Variants in LRRK2 observed in about 807,000 individuals in gnomAD.
LRRK2 encodes leucine rich repeat kinase 2.
In LRRK2, 203 loss-of-function variants were observed where a neutral mutation model predicts 302.6. The ratio of observed to expected loss-of-function variants is 0.67; its 90% CI spans 0.60 to 0.75. LRRK2 has a LOEUF of 0.75. LRRK2 is among the 30% of genes least tolerant of loss of function. LRRK2 has a pLI of 0.00. For missense variants in LRRK2, 2,830 were observed against 2,951.0 expected, an observed-to-expected ratio of 0.96 and a Z score of 0.95; for synonymous variants, 1,066 against 1,031.9, an observed-to-expected ratio of 1.03 and a Z score of -0.63.
intron 33 of LRRK2, 108 bp from the exon 34 acceptor site, chr12:40,319,874 AAACACT>A: frequency 9.5e-7 from 1 of 1,047,996 alleles, no homozygotes; most frequent in South Asian, 1.6e-5. Context: ...TTGCACTTGA[AAACACT>A]AAAATCTTTC....
chr12:40,343,749 CATTT>C (rs1946116543), intron 41 of LRRK2, among the ~76,000 whole-genome samples: 1 of 151,944 alleles, frequency 6.6e-6, no homozygotes, highest in Non-Finnish European at 1.5e-5. Context: ...ATTTTTTATT[CATTT>C]ATTCATTCAT....
chr12:40,238,389 A>G (rs1941569275), intron 5 of LRRK2, among the ~76,000 whole-genome samples: 1 of 152,184 alleles, frequency 6.6e-6, no homozygotes, highest in Non-Finnish European at 1.5e-5. Context: ...TGTGGGTGCT[A>G]TGAAAGAAAA....
chr12:40,311,137 A>C (rs925810561), intron 31 of LRRK2, among the ~76,000 whole-genome samples: 2 of 152,014 alleles, frequency 1.3e-5, no homozygotes, highest in African/African-American at 4.8e-5. Flanking sequence ...TGTGATTCCC[A>C]TTCCAATTTT....
intron 40 of LRRK2, 39 bp downstream of exon 40, chr12:40,335,196 A>G (rs186250073): frequency 1.4e-4 from 218 of 1,605,856 alleles, no homozygotes; most frequent in Admixed American, 3.2e-4. Context: ...GTGCATGACA[A>G]GTGTGATCCA....
intron 33 of LRRK2, chr12:40,316,255 A>G (rs1323166730): frequency 1.3e-5 from 11 of 855,938 alleles, no homozygotes; most frequent in Non-Finnish European, 4.2e-6. Context: ...GCCTTGAATA[A>G]TTGTTCCTAA....
rs1487538838 is a variant in LRRK2 at position 40,275,056 on chromosome 12, G to A, written c.1941+63G>A. ...GCGAATTTCACTTTTGGAGCAGTTTGTGTAATTCCCACTTTGCATGAATGG... is the reference window on the plus strand; with the variant it reads ...GCGAATTTCACTTTTGGAGCAGTTTATGTAATTCCCACTTTGCATGAATGG... On this transcript the variant is annotated intron_variant, in intron 16 of 50. Transcript: ENST00000298910. The A allele has an allele frequency of 1.9e-6, 3 of 1,578,950 alleles. No individual in the cohort carries two copies. In the African/African-American group the frequency reaches 4.0e-5, roughly 21 times the overall value.
intron 25 of LRRK2, chr12:40,301,192 G>T: frequency 2.2e-6 from 1 of 449,148 alleles, no homozygotes; most frequent in Non-Finnish European, 4.5e-6. Flanking sequence ...CCCCATGGAG[G>T]TGACATCTGA....
In LRRK2 at chr12:40,363,479, A is replaced by G. The variant is rs752310712; in HGVS notation, c.7106A>G (p.Asn2369Ser). Residue 2369 changes from asparagine (N) to serine (S), a missense_variant, in exon 48 of 51, where the codon AAT becomes AGT. Transcript: ENST00000298910. The part of the protein sequence containing the change: ...VDTALYIAKQ[N>S]SPVVEVWDKK... ...ACTGCTCTCTATATTGCTAAGCAAA[A>G]TAGCCCTGTTGTGGAAGTGTGGGAT... 1 of 1,612,204 alleles carries G rather than the reference A, an allele frequency of 6.2e-7. No individual in the cohort carries two copies. The highest frequency in any genetic ancestry group is 2.2e-5 in the East Asian group (1 of 44,760).
intron 19 of LRRK2, among the ~76,000 whole-genome samples, chr12:40,285,765 G>A (rs779349962): frequency 2.0e-5 from 3 of 151,886 alleles, no homozygotes; most frequent in South Asian, 2.1e-4. Flanking sequence ...AAAAAAAAAC[G>A]TGGAGCAAAT....
At chr12:40,299,067 G>T (rs942695009) in intron 24 of LRRK2, 42 bp from the exon 25 acceptor site, 4 of 1,596,126 alleles carry the variant, frequency 2.5e-6, no homozygotes, top group Non-Finnish European at 2.6e-6. Flanking sequence ...TAAAGCATAT[G>T]AATTTATGCA....
rs765296942 is a variant in LRRK2, at chr12:40,284,142, C to T, written c.2500+9C>T. On this transcript the variant is annotated intron_variant, in intron 19 of 50. Transcript: ENST00000298910. ...TTTAAGGAAACAAACAAGTAAGTAA[C>T]AAGGAGAATATTTTTTACAATTCTT... 1.9e-6 allele frequency: 3 copies of T among 1,597,266 alleles called. No homozygotes were observed. The Admixed American group carries it at 5.0e-5, about 27-fold the overall frequency.
chr12:40,226,496 C>T (rs1455810368), intron 2 of LRRK2, among the ~76,000 whole-genome samples: 1 of 152,156 alleles, frequency 6.6e-6, no homozygotes, highest in African/African-American at 2.4e-5. Context: ...AGAGGCTTGA[C>T]AGACATGAGG....
intron 44 of LRRK2, 102 bp from the exon 45 acceptor site, chr12:40,354,197 G>T: frequency 1.0e-6 from 1 of 973,606 alleles, no homozygotes; most frequent in Non-Finnish European, 1.5e-6. Context: ...ATGCAAGAAA[G>T]CAAAAAGAGT....
chr12:40,276,923 C>T (rs947436456), intron 16 of LRRK2, among the ~76,000 whole-genome samples: 1 of 152,128 alleles, frequency 6.6e-6, no homozygotes, highest in Non-Finnish European at 1.5e-5. Context: ...ACCTCTGCCT[C>T]CTGGGCCCAT....
rs759251642 is a variant in LRRK2, at chr12:40,328,402, GAGA to G, written c.5705_5707del (p.Glu1902del). The G allele has an allele frequency of 1.9e-6, 3 of 1,613,676 alleles. No homozygotes were observed. The highest frequency in any genetic ancestry group is 2.2e-5 in the East Asian group (1 of 44,820). On this transcript the variant is annotated inframe_deletion, in exon 39 of 51. Coordinates refer to ENST00000298910, the MANE Select transcript of LRRK2 (RefSeq NM_198578.4). ...TCAGTTTACCGAGCAGCCTATGAAG[GAGA>G]AGAAGTGGCTGTGAAGATTTTTAAT...
chr12:40,234,514 G>A (rs956549810), intron 3 of LRRK2, among the ~76,000 whole-genome samples: 3 of 151,232 alleles, frequency 2.0e-5, no homozygotes, highest in African/African-American at 7.3e-5. Flanking sequence ...GAGTAGCTGG[G>A]ACTGCAGGAG....
chr12:40,359,033 GTA>G (rs1451017995), intron 46 of LRRK2, among the ~76,000 whole-genome samples: 50 of 138,990 alleles, frequency 3.6e-4, no homozygotes, highest in African/African-American at 1.3e-3. Context: ...TGTTGTTGTT[GTA>G]TAGATATGCT....
intron 14 of LRRK2, among the ~76,000 whole-genome samples, chr12:40,266,214 C>A (rs1339214608): frequency 6.6e-6 from 1 of 151,928 alleles, no homozygotes; most frequent in Non-Finnish European, 1.5e-5. Flanking sequence ...AGTGAACAGG[C>A]AACCTACAGA....
At chr12:40,298,914 T>TTATTATATATATACTATATATAATACG (rs1478038316) in intron 24 of LRRK2, among the ~76,000 whole-genome samples, 195 bp from the exon 25 acceptor site, 146 of 77,540 alleles carry the variant, frequency 1.9e-3, no homozygotes, top group East Asian at 0.018. Context: ...TATATAATAC[T>TTATTATATATATACTATATATAATACG]TATTATATAT....
Sources: gnomAD v4.1 joint callset for allele counts (sites outside exome capture counted in the v4.1 genomes callset) on GRCh38, gnomAD v4.1.1 for gene constraint, MANE v1.5 for transcripts, NCBI Gene and HGNC (gene_info 2026-07-23, HGNC 2026-07-21) for gene names.